PHIP: variants seen among roughly 807,000 people sequenced by gnomAD.
The protein encoded by PHIP is PHIP subunit of CUL4-Ring ligase complex.
Under a neutral mutation model 236.8 loss-of-function variants are expected in PHIP, and 54 were observed. That is an observed-to-expected ratio of 0.23 (90% confidence interval 0.18 to 0.29). The LOEUF is 0.29. Ranked by LOEUF, PHIP falls within the 10% of genes least tolerant of loss-of-function variation. The probability of loss-of-function intolerance (pLI) is 1.00; values close to 1 mark genes in which losing one functional copy is unlikely to be tolerated. For missense variants in PHIP, 1,370 were observed against 2,190.8 expected (o/e 0.63, Z 7.48); for synonymous variants, 756 against 718.9 (o/e 1.05, Z -0.83).
At chr6:78,981,742 G>A (rs1436926734) in intron 23 of PHIP, among the ~76,000 whole-genome samples, 3 of 152,012 alleles carry the variant, frequency 2.0e-5, no homozygotes, top group East Asian at 3.9e-4. Context: ...CAGACACATG[G>A]CTAAATCAGT....
chr6:78,953,312 C>T (rs1465598820), intron 35 of PHIP, among the ~76,000 whole-genome samples: 1 of 152,108 alleles, frequency 6.6e-6, no homozygotes, highest in Non-Finnish European at 1.5e-5. Flanking sequence ...TCACCACTGC[C>T]CAAGGACTCA....
intron 6 of PHIP, among the ~76,000 whole-genome samples, chr6:79,053,072 C>G (rs1454716214): frequency 6.6e-6 from 1 of 152,270 alleles, no homozygotes; most frequent in East Asian, 1.9e-4. Flanking sequence ...AATCCTAGCA[C>G]TTTGGGAGAC....
chr6:79,048,756 T>G lies in PHIP; in HGVS notation c.440-5753A>C, dbSNP rs1311542607. On this transcript the variant is annotated intron_variant, in intron 6 of 39. Transcript: ENST00000275034. Reference sequence around the variant, plus strand: ...CCAGTGTAGGAAAGCTGTTCCCTCTTAATCAGAAATGGAGGACCACAAAAA... The same window carrying G: ...CCAGTGTAGGAAAGCTGTTCCCTCTGAATCAGAAATGGAGGACCACAAAAA... 3.9e-5 allele frequency among the ~76,000 whole-genome samples: 6 copies of G among 152,200 alleles called. No individual in the cohort carries two copies. In the East Asian group the frequency reaches 1.2e-3, roughly 29 times the overall value.
rs1268680452 is a variant in PHIP at position 78,938,445 on chromosome 6, T to G, written c.*2248A>C. The G allele has an allele frequency of 6.6e-6, 1 of 151,704 alleles. No individual in the cohort carries two copies. Among genetic ancestry groups the G allele is most frequent in the African/African-American group, 2.4e-5 (1 of 41,428 alleles). 9.4% of individuals were successfully genotyped at this position (151,704 alleles called of 1,614,324 possible). On this transcript the variant is annotated 3_prime_UTR_variant, in exon 40 of 40. Transcript: ENST00000275034. ...ACACAACTTAAAACTGTACATTTTT[T>G]TTACAAAAATTGATTTTATAGCCTA...
intron 7 of PHIP, among the ~76,000 whole-genome samples, chr6:79,039,593 G>A (rs1357528009): frequency 1.3e-5 from 2 of 151,994 alleles, no homozygotes; most frequent in Admixed American, 1.3e-4. Flanking sequence ...TTAAAACAGT[G>A]GCTGGTTCAT....
chr6:79,017,284 T>C (rs2127742141), intron 12 of PHIP, 62 bp downstream of exon 12: 1 of 974,236 alleles, frequency 1.0e-6, no homozygotes, highest in Non-Finnish European at 1.5e-6. Context: ...TAAAATCTGA[T>C]GACTAAAATT....
intron 21 of PHIP, among the ~76,000 whole-genome samples, 167 bp from the exon 22 acceptor site, chr6:78,985,595 C>A (rs887359434): frequency 6.6e-6 from 1 of 152,124 alleles, no homozygotes; most frequent in Non-Finnish European, 1.5e-5. Flanking sequence ...AATCCCAACA[C>A]TTTGAGAGGT....
At chr6:78,968,279 C>T (rs964035629) in intron 27 of PHIP, among the ~76,000 whole-genome samples, 41 of 152,200 alleles carry the variant, frequency 2.7e-4, no homozygotes, top group African/African-American at 9.2e-4. Context: ...CAGATTTCTT[C>T]ACTCATCAAT....
intron 24 of PHIP, among the ~76,000 whole-genome samples, chr6:78,977,195 T>C (rs376616327): frequency 3.4e-5 from 5 of 147,412 alleles, no homozygotes; most frequent in Admixed American, 1.4e-4. Flanking sequence ...ACTATGCAGC[T>C]ATAAAAAATG....
chr6:78,999,547 TTAAAAAA>T (rs1218869154), intron 17 of PHIP, among the ~76,000 whole-genome samples: 1 of 152,118 alleles, frequency 6.6e-6, no homozygotes, highest in Non-Finnish European at 1.5e-5. Flanking sequence ...ATGCTAGGCA[TTAAAAAA>T]TATTCACTCT....
chr6:78,959,686 A>T (rs1299341153), intron 31 of PHIP, among the ~76,000 whole-genome samples: 1 of 152,154 alleles, frequency 6.6e-6, no homozygotes, highest in African/African-American at 2.4e-5. Context: ...GAAAACAGGC[A>T]ATTTCTAATT....
intron 7 of PHIP, among the ~76,000 whole-genome samples, chr6:79,042,345 T>C (rs1185662698): frequency 6.6e-6 from 1 of 151,998 alleles, no homozygotes; most frequent in East Asian, 1.9e-4. Context: ...GAATAACAGG[T>C]AATAAGAGTA....
At chr6:78,942,616 T>C (rs112662635) in intron 39 of PHIP, among the ~76,000 whole-genome samples, 3,683 of 152,270 alleles carry the variant, frequency 0.024, 146 homozygotes, top group African/African-American at 0.083. Flanking sequence ...AGATTAGTGG[T>C]TGGGAAAAAA....
At position 78,935,407 on chromosome 6, in the gene PHIP, A is replaced by C. The variant is rs1773237662; in HGVS notation, c.*5286T>G. ...CAATAAAAATGCATGCCAATCTGAC[A>C]AAATTTCTAGGAAAACTGCAATAAC... On this transcript the variant is annotated 3_prime_UTR_variant, in exon 40 of 40. Transcript: ENST00000275034. 2 of 738,092 alleles carry C rather than the reference A, an allele frequency of 2.7e-6. No homozygotes were observed. 45.7% of individuals were successfully genotyped at this position (738,092 alleles called of 1,614,324 possible). A position where few individuals can be genotyped will look rare whatever the true frequency, so the allele number is the denominator to read the frequency against.
intron 10 of PHIP, 54 bp downstream of exon 10, chr6:79,019,035 T>C (rs779273427): frequency 3.2e-5 from 39 of 1,231,696 alleles, no homozygotes; most frequent in Non-Finnish European, 4.6e-5. Context: ...CACTCCACTA[T>C]AAGGCTTCTA....
In PHIP at chr6:79,060,654, G is replaced by A; in HGVS notation, c.340+14C>T. 3.7e-6 allele frequency: 6 copies of A among 1,609,198 alleles called. No individual in the cohort carries two copies. The highest frequency in any genetic ancestry group is 5.1e-6 in the Non-Finnish European group (6 of 1,177,696). On this transcript the variant is annotated intron_variant, in intron 5 of 39. Transcript: ENST00000275034. Reference sequence around the variant, plus strand: ...GATAAATAATGTCTAAATCCTATGAGAAAATTTTCATACTTTTATTTGTGC... The same window carrying A: ...GATAAATAATGTCTAAATCCTATGAAAAAATTTTCATACTTTTATTTGTGC...
chr6:78,993,291 G>A (rs956452131), intron 19 of PHIP, among the ~76,000 whole-genome samples: 3 of 152,222 alleles, frequency 2.0e-5, no homozygotes, highest in African/African-American at 4.8e-5. Context: ...TGCTGATGAA[G>A]TAGCTGCAGC....
chr6:78,952,582 C>A (rs1297798388), intron 35 of PHIP, among the ~76,000 whole-genome samples: 1 of 152,004 alleles, frequency 6.6e-6, no homozygotes, highest in Admixed American at 6.6e-5. Context: ...ACCTCTTACC[C>A]TCTCCTTCAC....
At position 78,955,031 on chromosome 6, in the gene PHIP, T is replaced by C. The variant is rs10455356; in HGVS notation, c.3904-68A>G. 539,634 of 1,095,788 alleles carry C rather than the reference T, an allele frequency of 0.49. 136,074 individuals are homozygous for C. The highest frequency in any genetic ancestry group is 0.67 in the East Asian group (26,538 of 39,316). The allele number at this position is 1,095,788 out of a possible 1,614,324, so 67.9% of individuals were successfully genotyped here. A position where few individuals can be genotyped will look rare whatever the true frequency, so the allele number is the denominator to read the frequency against. ...CACAATAAAATTTGTACTTTTAATG[T>C]AGTCTTAGATAATTGGGTAATATAC... On this transcript the variant is annotated intron_variant, in intron 34 of 39. Transcript: ENST00000275034.
Sources: allele counts gnomAD v4.1 joint callset (sites outside exome capture counted in the v4.1 genomes callset), GRCh38; gene constraint gnomAD v4.1.1; transcripts MANE v1.5; gene names NCBI Gene and HGNC (gene_info 2026-07-23, HGNC 2026-07-21).